Variants in STK31 observed in about 807,000 individuals in gnomAD.
STK31 encodes serine/threonine kinase 31.
STK31 carries 89 observed loss-of-function variants against 129.7 expected under a neutral mutation model. The ratio of observed to expected loss-of-function variants is 0.69; its 90% CI spans 0.58 to 0.82. The LOEUF (loss-of-function observed/expected upper bound fraction) is 0.82, where lower values mean the gene tolerates loss of function less well. STK31 is among the 40% of genes least tolerant of loss of function. The pLI is 0.00. For synonymous variants in STK31, 448 were observed against 395.3 expected, an observed-to-expected ratio of 1.13 and a Z score of -1.58; for missense variants, 1,187 against 1,176.4, an observed-to-expected ratio of 1.01 and a Z score of -0.13.
chr7:23,791,245 T>C (rs1204308811), intron 22 of STK31: 24 of 984,012 alleles, frequency 2.4e-5, no homozygotes, highest in African/African-American at 3.5e-5. Context: ...GGAAAATAAA[T>C]GTTAAATAAG....
intron 22 of STK31, among the ~76,000 whole-genome samples, 183 bp from the exon 23 acceptor site, chr7:23,814,961 C>T (rs751188791): frequency 2.0e-5 from 3 of 151,960 alleles, no homozygotes; most frequent in Non-Finnish European, 2.9e-5. Flanking sequence ...CTTTAGGAGC[C>T]CCAGGAACCA....
intron 8 of STK31, among the ~76,000 whole-genome samples, chr7:23,749,531 T>C (rs11972815): frequency 3.4e-5 from 5 of 145,198 alleles, no homozygotes; most frequent in Non-Finnish European, 6.0e-5. Flanking sequence ...TTTTTTTTTT[T>C]GGGGGTAGAG....
intron 6 of STK31, among the ~76,000 whole-genome samples, chr7:23,735,301 T>G (rs1787653775): frequency 6.6e-6 from 1 of 152,220 alleles, no homozygotes; most frequent in South Asian, 2.1e-4. Context: ...AGTATACATT[T>G]TTAGATTTAT....
intron 22 of STK31, among the ~76,000 whole-genome samples, chr7:23,811,904 C>T (rs542662413): frequency 1.3e-5 from 2 of 152,162 alleles, no homozygotes; most frequent in South Asian, 4.2e-4. Flanking sequence ...TTTATTCTCC[C>T]CACTTTTAAA....
chr7:23,769,945 G>A lies in STK31; in HGVS notation c.1713+189G>A, dbSNP rs192427285. On this transcript the variant is annotated intron_variant, in intron 13 of 23. Coordinates refer to ENST00000355870, the MANE Select transcript of STK31 (RefSeq NM_031414.5). The stretch of plus-strand genomic sequence containing the variant: ...AGTTCTAATCCAGACACCATGCAAA[G>A]TCTTATTCTTAGGTGACATTTTTGT... Among the ~76,000 whole-genome samples, 8 of 152,258 alleles carry A rather than the reference G, an allele frequency of 5.3e-5. No individual in the cohort carries two copies. The East Asian group carries it at 1.5e-3, about 29-fold the overall frequency.
intron 4 of STK31, among the ~76,000 whole-genome samples, chr7:23,718,283 C>T (rs1786471464): frequency 6.6e-6 from 1 of 152,132 alleles, no homozygotes; most frequent in Non-Finnish European, 1.5e-5. Flanking sequence ...GACTTTGATT[C>T]ACAAAAAATT....
intron 6 of STK31, among the ~76,000 whole-genome samples, chr7:23,730,299 T>C (rs1787326226): frequency 6.6e-6 from 1 of 152,224 alleles, no homozygotes; most frequent in African/African-American, 2.4e-5. Flanking sequence ...TTAATTAAAA[T>C]TGCCTCTATT....
chr7:23,720,628 A>G (rs1382579020), intron 4 of STK31, among the ~76,000 whole-genome samples: 1 of 152,226 alleles, frequency 6.6e-6, no homozygotes, highest in Non-Finnish European at 1.5e-5. Flanking sequence ...AGCTGTATTA[A>G]GTGTATACTT....
At chr7:23,752,912 G>T in intron 9 of STK31, 80 bp downstream of exon 9, 2 of 896,576 alleles carry the variant, frequency 2.2e-6, no homozygotes, top group Non-Finnish European at 3.5e-6. Flanking sequence ...TTGTGTGCTT[G>T]CCATTTTTGC....
intron 23 of STK31, among the ~76,000 whole-genome samples, chr7:23,828,872 G>C (rs1484541108): frequency 6.6e-6 from 1 of 151,940 alleles, no homozygotes; most frequent in Non-Finnish European, 1.5e-5. Context: ...TTCTTTAGAG[G>C]AATGTTTTTC....
chr7:23,758,505 C>G (rs1421295105), intron 10 of STK31, among the ~76,000 whole-genome samples: 2 of 151,696 alleles, frequency 1.3e-5, no homozygotes, highest in Non-Finnish European at 2.9e-5. Flanking sequence ...TTCTTGTCTT[C>G]TGCTAGCTTT....
At chr7:23,810,583 T>C (rs1367164668) in intron 22 of STK31, among the ~76,000 whole-genome samples, 2 of 129,236 alleles carry the variant, frequency 1.5e-5, no homozygotes, top group African/African-American at 6.1e-5. Flanking sequence ...TTGAAAAAAT[T>C]TTAAGAGTCC....
At chr7:23,745,924 G>A (rs1327745123) in intron 8 of STK31, among the ~76,000 whole-genome samples, 2 of 152,206 alleles carry the variant, frequency 1.3e-5, no homozygotes, top group Non-Finnish European at 2.9e-5. Flanking sequence ...AAGCAGGATA[G>A]CATTTCCTCA....
At chr7:23,802,206 T>G (rs1792417140) in intron 22 of STK31, among the ~76,000 whole-genome samples, 1 of 152,094 alleles carries the variant, frequency 6.6e-6, no homozygotes, top group Non-Finnish European at 1.5e-5. Context: ...AGAAGGGAGT[T>G]TGAGGGAGTT....
At chr7:23,824,882 T>G (rs1030177831) in intron 23 of STK31, among the ~76,000 whole-genome samples, 6 of 151,944 alleles carry the variant, frequency 3.9e-5, no homozygotes, top group African/African-American at 1.5e-4. Flanking sequence ...TTGGTTCTGT[T>G]TATATGCTGG....
intron 6 of STK31, 51 bp from the exon 7 acceptor site, chr7:23,735,487 A>G: frequency 6.9e-7 from 1 of 1,459,726 alleles, no homozygotes; most frequent in Non-Finnish European, 9.2e-7. Context: ...GAACAAAATA[A>G]GGGAAGAGAA....
At chr7:23,712,545 T>G (rs1224141728) in intron 3 of STK31, among the ~76,000 whole-genome samples, 1 of 152,188 alleles carries the variant, frequency 6.6e-6, no homozygotes, top group Middle Eastern at 3.2e-3. Context: ...ATTTCAGAAT[T>G]CCACTCAATT....
intron 17 of STK31, among the ~76,000 whole-genome samples, chr7:23,784,394 C>G (rs6955786): frequency 0.32 from 48,550 of 151,980 alleles, 7,935 homozygotes; most frequent in Admixed American, 0.37. Context: ...AATAATTACT[C>G]TAAACTCTTT....
chr7:23,799,615 A>T (rs148177652), intron 22 of STK31, among the ~76,000 whole-genome samples: 1,713 of 152,256 alleles, frequency 0.011, 29 homozygotes, highest in African/African-American at 0.038. Context: ...TAAAGACTTA[A>T]GACCTAAAAC....
Sources: allele counts gnomAD v4.1 joint callset (sites outside exome capture counted in the v4.1 genomes callset), GRCh38; gene constraint gnomAD v4.1.1; transcripts MANE v1.5; gene names NCBI Gene and HGNC (gene_info 2026-07-23, HGNC 2026-07-21).